PDGFRL: variants seen among roughly 807,000 people sequenced by gnomAD.
PDGFRL encodes the protein platelet derived growth factor receptor like.
A neutral mutation model predicts 37.2 loss-of-function variants in PDGFRL; 46 were observed. That is an observed-to-expected ratio of 1.24 (90% CI 0.98 to 1.58). The LOEUF (loss-of-function observed/expected upper bound fraction) is 1.58. Ranked by LOEUF, PDGFRL falls within the 40% of genes most tolerant of loss-of-function variation. The pLI, the probability that PDGFRL is intolerant of heterozygous loss-of-function variation, is 0.00. For missense variants in PDGFRL, 692 were observed against 467.6 expected (o/e 1.48, Z -4.43); for synonymous variants, 251 against 184.3 (o/e 1.36, Z -2.93).
chr8:17,587,186 A>AC (rs1803836390), intron 1 of PDGFRL, among the ~76,000 whole-genome samples: 1 of 152,172 alleles, frequency 6.6e-6, no homozygotes, highest in Non-Finnish European at 1.5e-5. Flanking sequence ...AGGCAGCTGG[A>AC]CCAGCTATAC....
At chr8:17,604,878 C>T (rs1804240817) in intron 2 of PDGFRL, among the ~76,000 whole-genome samples, 1 of 152,164 alleles carries the variant, frequency 6.6e-6, no homozygotes, top group African/African-American at 2.4e-5. Context: ...CTTTGGGAGG[C>T]TGAGGCGGGT....
At chr8:17,634,683 C>T (rs1368552334) in intron 5 of PDGFRL, among the ~76,000 whole-genome samples, 2 of 152,116 alleles carry the variant, frequency 1.3e-5, no homozygotes, top group African/African-American at 4.8e-5. Context: ...ACAAATGGAG[C>T]TGGAGGCCAT....
intron 2 of PDGFRL, among the ~76,000 whole-genome samples, chr8:17,593,446 A>AAC (rs1554549972): frequency 2.0e-5 from 3 of 149,374 alleles, no homozygotes; most frequent in Non-Finnish European, 3.0e-5. Flanking sequence ...GGAAAAAAAA[A>AAC]ATTTAACCTG....
At chr8:17,585,267 ACCT>A (rs1251242566) in intron 1 of PDGFRL, among the ~76,000 whole-genome samples, 1 of 151,840 alleles carries the variant, frequency 6.6e-6, no homozygotes, top group Non-Finnish European at 1.5e-5. Flanking sequence ...TCTTGAGCCA[ACCT>A]CCTGTCTCAT....
intron 2 of PDGFRL, among the ~76,000 whole-genome samples, chr8:17,611,076 A>T: frequency 6.6e-6 from 1 of 152,238 alleles, no homozygotes; most frequent in East Asian, 1.9e-4. Context: ...CTTTTGCGGT[A>T]CGCAGTGGGA....
chr8:17,589,316 G>A, intron 1 of PDGFRL, 152 bp from the exon 2 acceptor site: 1 of 665,322 alleles, frequency 1.5e-6, no homozygotes, highest in Non-Finnish European at 2.6e-6. Context: ...AACCTGGGAG[G>A]TGGAGGTTGC....
chr8:17,588,779 G>A (rs2517146), intron 1 of PDGFRL, among the ~76,000 whole-genome samples: 90,542 of 152,026 alleles, frequency 0.6, 29,199 homozygotes, highest in East Asian at 0.77. Flanking sequence ...CAAAATGAAT[G>A]GTGACAACAT....
chr8:17,589,445 TTC>T (rs1173614644), intron 1 of PDGFRL, 21 bp from the exon 2 acceptor site: 1 of 1,582,644 alleles, frequency 6.3e-7, no homozygotes, highest in South Asian at 1.1e-5. Context: ...TACAGCGCAT[TTC>T]TCTCTCCTTA....
At chr8:17,617,494 G>A (rs976719859) in intron 2 of PDGFRL, among the ~76,000 whole-genome samples, 3 of 152,104 alleles carry the variant, frequency 2.0e-5, no homozygotes, top group East Asian at 1.9e-4. Context: ...TCTCCCTTGC[G>A]TGACACGGAC....
At chr8:17,582,109 C>T (rs1803719909) in intron 1 of PDGFRL, among the ~76,000 whole-genome samples, 1 of 152,140 alleles carries the variant, frequency 6.6e-6, no homozygotes, top group Non-Finnish European at 1.5e-5. Context: ...GAAATGGAAA[C>T]AGATAACTTA....
chr8:17,613,963 T>G (rs949697706), intron 2 of PDGFRL, among the ~76,000 whole-genome samples: 2 of 152,208 alleles, frequency 1.3e-5, no homozygotes, highest in Non-Finnish European at 2.9e-5. Context: ...ACAACGTAAC[T>G]GGTTGTTGAG....
chr8:17,618,198 A>T (rs1804565649), intron 2 of PDGFRL, among the ~76,000 whole-genome samples: 1 of 152,154 alleles, frequency 6.6e-6, no homozygotes, highest in Admixed American at 6.5e-5. Context: ...AGCTAGGACT[A>T]CATGCACACT....
intron 2 of PDGFRL, among the ~76,000 whole-genome samples, chr8:17,590,251 A>AC (rs1361849605): frequency 2.0e-5 from 3 of 147,694 alleles, no homozygotes; most frequent in African/African-American, 7.5e-5. Flanking sequence ...AAAAAAAAAA[A>AC]AAAAATTGCA....
At chr8:17,596,512 G>C (rs538892256) in intron 2 of PDGFRL, 1 of 361,398 alleles carries the variant, frequency 2.8e-6, no homozygotes, top group African/African-American at 2.1e-5. Flanking sequence ...AGCATCTTAA[G>C]CTTAGAGGAT....
At chr8:17,583,504 G>A (rs1365798388) in intron 1 of PDGFRL, among the ~76,000 whole-genome samples, 2 of 152,138 alleles carry the variant, frequency 1.3e-5, no homozygotes, top group African/African-American at 2.4e-5. Context: ...TAAGATTTCG[G>A]GGACTATTGG....
intron 2 of PDGFRL, among the ~76,000 whole-genome samples, chr8:17,596,757 T>G (rs1585306963): frequency 1.4e-5 from 2 of 142,450 alleles, no homozygotes; most frequent in African/African-American, 6.1e-5. Context: ...TATGAAACAT[T>G]GTGAAAAAAT....
chr8:17,598,297 T>C (rs1804095614), intron 2 of PDGFRL, among the ~76,000 whole-genome samples: 1 of 152,218 alleles, frequency 6.6e-6, no homozygotes, highest in African/African-American at 2.4e-5. Flanking sequence ...GGAATGTGAA[T>C]ATATTATTGC....
Position 17,587,642 on chromosome 8 carries a change from C to G in PDGFRL, c.56-1826C>G, listed in dbSNP as rs117907586. On this transcript the variant is annotated intron_variant, in intron 1 of 5. Transcript: ENST00000251630. ...CATCATAAACTCGGACTTGTGGGCTCAAGTCTCGGTCTCAGTCTCAGTCTC... is the reference window on the plus strand; with the variant it reads ...CATCATAAACTCGGACTTGTGGGCTGAAGTCTCGGTCTCAGTCTCAGTCTC... 1.4e-3 allele frequency among the ~76,000 whole-genome samples: 206 copies of G among 152,078 alleles called. 5 individuals carry two copies. In the East Asian group the frequency reaches 0.034, roughly 25 times the overall value.
intron 5 of PDGFRL, among the ~76,000 whole-genome samples, chr8:17,638,772 TATATATATA>T (rs1805029647): frequency 8.6e-6 from 1 of 115,800 alleles, no homozygotes; most frequent in African/African-American, 3.2e-5. Context: ...TATATATATA[TATATATATA>T]TATATAATTG....
Sources: allele counts gnomAD v4.1 joint callset (sites outside exome capture counted in the v4.1 genomes callset), GRCh38; gene constraint gnomAD v4.1.1; transcripts MANE v1.5; gene names NCBI Gene and HGNC (gene_info 2026-07-23, HGNC 2026-07-21).